The following NFIX variants were observed in gnomAD, a reference collection of about 807,000 sequenced individuals.
NFIX encodes the protein nuclear factor 1 X-type.
In NFIX, 2 loss-of-function variants were observed where a neutral mutation model predicts 53.3. The observed-to-expected ratio is 0.04, with a 90% confidence interval of 0.02 to 0.12. NFIX has a LOEUF of 0.12. Ranked by LOEUF, NFIX falls within the 10% of genes least tolerant of loss-of-function variation. The pLI is 1.00. For missense variants in NFIX, 310 were observed against 674.5 expected, an observed-to-expected ratio of 0.46 and a Z score of 5.99; for synonymous variants, 244 against 289.0, an observed-to-expected ratio of 0.84 and a Z score of 1.58.
chr19:13,072,218 C>T lies in NFIX; in HGVS notation c.560-829C>T, dbSNP rs1012836757. Among the ~76,000 whole-genome samples, 1 of 152,230 alleles carries T rather than the reference C, an allele frequency of 6.6e-6. No homozygotes were observed. The highest frequency in any genetic ancestry group is 2.4e-5 in the African/African-American group (1 of 41,464). On this transcript the variant is annotated intron_variant, in intron 2 of 10. Coordinates refer to ENST00000592199, the MANE Select transcript of NFIX (RefSeq NM_001365902.3). This position sits in a 1 kb window ranked among gnomAD's most constrained non-coding sequence, Gnocchi z 4.0. The stretch of plus-strand genomic sequence containing the variant: ...CCCCTGGCACACAAAGCTTTGAGGA[C>T]CAGGGGGACCAGGGTGGGGGGCTTT...
At chr19:13,004,363 C>T (rs990691195) in intron 1 of NFIX, among the ~76,000 whole-genome samples, 2 of 152,160 alleles carry the variant, frequency 1.3e-5, no homozygotes, top group African/African-American at 2.4e-5. Flanking sequence ...CACTCTCCCT[C>T]ACTAGGACCC....
chr19:13,019,995 A>G (rs1182370854), intron 1 of NFIX, among the ~76,000 whole-genome samples: 1 of 143,892 alleles, frequency 6.9e-6, no homozygotes, highest in Admixed American at 6.9e-5. Context: ...CCCATTTCCC[A>G]TGTCCTTCTA....
chr19:12,999,538 C>T (rs1345976451), intron 1 of NFIX, among the ~76,000 whole-genome samples: 2 of 152,152 alleles, frequency 1.3e-5, no homozygotes, highest in African/African-American at 4.8e-5. Flanking sequence ...ATGCGTGCTT[C>T]CCCCTCCTTG....
chr19:13,025,480 G>A lies in NFIX; in HGVS notation c.487G>A (p.Val163Ile). Reference sequence around the variant, plus strand: ...TCAGTGCTCGAACCCCGGCCTGTGCGTCCAGCCACATCACATTGGAGTCAC... The same window carrying A: ...TCAGTGCTCGAACCCCGGCCTGTGCATCCAGCCACATCACATTGGAGTCAC... Reference protein sequence around the residue: ...SPQCSNPGLCVQPHHIGVTIK... With the variant: ...SPQCSNPGLCIQPHHIGVTIK... The change falls in exon 2 of 11, where the codon GTC (valine) becomes ATC (isoleucine). Residue 163 changes from valine (V) to isoleucine (I), a missense_variant. Physicochemically the swap from Val to Ile is conservative, Grantham distance 29 (BLOSUM62 3). Transcript: ENST00000592199. This position sits in a 1 kb window ranked among gnomAD's most constrained non-coding sequence, Gnocchi z 7.5. 1.2e-6 allele frequency: 2 copies of A among 1,614,028 alleles called. No homozygotes were observed. The highest frequency in any genetic ancestry group is 8.5e-7 in the Non-Finnish European group (1 of 1,179,906).
At chr19:13,064,317 G>A (rs1470530333) in intron 2 of NFIX, among the ~76,000 whole-genome samples, 2 of 152,214 alleles carry the variant, frequency 1.3e-5, no homozygotes, top group Non-Finnish European at 1.5e-5. Context: ...TGGCCTGGAC[G>A]CCCATGGGCC....
chr19:13,013,056 G>A lies in NFIX; in HGVS notation c.28-11965G>A, dbSNP rs554969985. Among the ~76,000 whole-genome samples, 1 of 131,562 alleles carries A rather than the reference G, an allele frequency of 7.6e-6. No homozygotes were observed. The highest frequency in any genetic ancestry group is 2.6e-5 in the African/African-American group (1 of 39,170). The allele number at this position is 131,562 out of a possible 152,430, so 86.3% of individuals were successfully genotyped here. ...CTGCCTTCGGGCCGCGGGGAGTTGC[G>A]CAGACTCTAAAAAAAAAACCTTTAA... On this transcript the variant is annotated intron_variant, in intron 1 of 10. Transcript: ENST00000592199. This position sits in a 1 kb window ranked among gnomAD's most constrained non-coding sequence, Gnocchi z 5.9.
At position 13,045,614 on chromosome 19, in the gene NFIX, C is replaced by T. The variant is rs760154769; in HGVS notation, c.559+20062C>T. On this transcript the variant is annotated intron_variant, in intron 2 of 10. Transcript: ENST00000592199. This position sits in a 1 kb window ranked among gnomAD's most constrained non-coding sequence, Gnocchi z 4.4. ...TGCTGAGTCTGGAGACCTTGGCCCA[C>T]GGTGCTCAGCAGTCTGTTGCCAGGG... is the stretch of plus-strand genomic sequence containing the variant. Among the ~76,000 whole-genome samples, 7 of 152,138 alleles carry T rather than the reference C, an allele frequency of 4.6e-5. No individual in the cohort carries two copies. The highest frequency in any genetic ancestry group is 7.2e-5 in the African/African-American group (3 of 41,438).
rs545062313 is a variant in NFIX at position 13,096,738 on chromosome 19, C to T, written c.*2089C>T. 2.6e-5 allele frequency: 4 copies of T among 152,426 alleles called. No homozygotes were observed. The highest frequency in any genetic ancestry group is 2.1e-4 in the South Asian group (1 of 4,830). The allele number at this position is 152,426 out of a possible 1,614,324, so 9.4% of individuals were successfully genotyped here. On this transcript the variant is annotated 3_prime_UTR_variant, in exon 11 of 11. Coordinates refer to ENST00000592199, the MANE Select transcript of NFIX (RefSeq NM_001365902.3). Reference sequence around the variant, plus strand: ...GCCCACGTGCCCTTTCCCTCGACGACAGTCGAGGGCTCGGGCTCTGTGGGA... The same window carrying T: ...GCCCACGTGCCCTTTCCCTCGACGATAGTCGAGGGCTCGGGCTCTGTGGGA...
chr19:13,059,852 C>T (rs958393439), intron 2 of NFIX, among the ~76,000 whole-genome samples: 34 of 133,972 alleles, frequency 2.5e-4, no homozygotes, highest in African/African-American at 5.6e-4. Flanking sequence ...GGTGCGATCT[C>T]GGCTCACTGC....
At chr19:13,010,388 A>C (rs2012273765) in intron 1 of NFIX, among the ~76,000 whole-genome samples, 1 of 152,222 alleles carries the variant, frequency 6.6e-6, no homozygotes, top group Non-Finnish European at 1.5e-5. Flanking sequence ...CAGCCCGGCA[A>C]CTCGGACGTG....
intron 1 of NFIX, among the ~76,000 whole-genome samples, chr19:13,008,633 C>T (rs1376877724): frequency 6.6e-6 from 1 of 152,174 alleles, no homozygotes; most frequent in Non-Finnish European, 1.5e-5. Flanking sequence ...CTCCGCTGGC[C>T]CTGCCCAGGC....
At chr19:13,083,785 G>A (rs1350638281) in intron 8 of NFIX, among the ~76,000 whole-genome samples, 3 of 152,228 alleles carry the variant, frequency 2.0e-5, no homozygotes, top group South Asian at 2.1e-4. Context: ...GCCCACGCCC[G>A]GCTTCTGGGA....
At chr19:13,031,864 C>A (rs1299533101) in intron 2 of NFIX, among the ~76,000 whole-genome samples, 1 of 152,168 alleles carries the variant, frequency 6.6e-6, no homozygotes, top group African/African-American at 2.4e-5. Flanking sequence ...TCCTGGCTTC[C>A]TGTAGCAGCT....
intron 2 of NFIX, among the ~76,000 whole-genome samples, chr19:13,044,886 A>G (rs59804227): frequency 0.036 from 5,410 of 152,290 alleles, 331 homozygotes; most frequent in African/African-American, 0.12. Context: ...CTGTTTGGAT[A>G]TGGCACAAAG....
rs1042209629 is a variant in NFIX at position 13,024,080 on chromosome 19, AATT to A, written c.28-934_28-932del. The A allele has an allele frequency of 1.4e-5, 15 of 1,088,894 alleles. No homozygotes were observed. The Admixed American group carries it at 1.4e-4, about 10-fold the overall frequency. The allele number at this position is 1,088,894 out of a possible 1,614,324, so 67.5% of individuals were successfully genotyped here. On this transcript the variant is annotated intron_variant, in intron 1 of 10. Transcript: ENST00000592199. ...AGTTTTATTTTTGTAAACAGAAATC[AATT>A]ATTATTTAAACTTCAAACAAGCAAA...
rs774265190 is a variant in NFIX, at chr19:13,089,298, G to A, written c.1403-1001G>A. 9.9e-5 allele frequency among the ~76,000 whole-genome samples: 15 copies of A among 152,256 alleles called. No homozygotes were observed. The highest frequency in any genetic ancestry group is 9.7e-4 in the East Asian group (5 of 5,180). Reference sequence around the variant, plus strand: ...GGTGTGTCTGGTGCAGGGCAGCGGCGGGCCTTCCAGGTAACCTGTGACACT... The same window carrying A: ...GGTGTGTCTGGTGCAGGGCAGCGGCAGGCCTTCCAGGTAACCTGTGACACT... On this transcript the variant is annotated intron_variant, in intron 9 of 10. Transcript: ENST00000592199. This position sits in a 1 kb window ranked among gnomAD's most constrained non-coding sequence, Gnocchi z 4.8.
chr19:13,087,333 A>G (rs116656221), intron 8 of NFIX, among the ~76,000 whole-genome samples: 255 of 152,300 alleles, frequency 1.7e-3, no homozygotes, highest in African/African-American at 5.7e-3. Context: ...CCTCCTGAAG[A>G]ACCTCACGGG....
chr19:13,076,170 G>C (rs2017090102), intron 6 of NFIX, among the ~76,000 whole-genome samples: 1 of 152,158 alleles, frequency 6.6e-6, no homozygotes, highest in Non-Finnish European at 1.5e-5. Flanking sequence ...GACATTGTCA[G>C]ACGTTCCCTA....
chr19:13,026,323 G>A (rs1170457963), intron 2 of NFIX, among the ~76,000 whole-genome samples: 1 of 151,722 alleles, frequency 6.6e-6, no homozygotes, highest in African/African-American at 2.4e-5. Flanking sequence ...CGGGGCACAG[G>A]CATGGCAGGG....
Sources: allele counts gnomAD v4.1 joint callset (sites outside exome capture counted in the v4.1 genomes callset), GRCh38; gene constraint gnomAD v4.1.1; non-coding constraint Gnocchi (gnomAD v3.1); transcripts MANE v1.5; gene names NCBI Gene and HGNC (gene_info 2026-07-23, HGNC 2026-07-21).